LSAMP: variants seen among roughly 807,000 people sequenced by gnomAD.
The protein encoded by LSAMP is limbic system-associated membrane protein.
Under a neutral mutation model 38.6 loss-of-function variants are expected in LSAMP, and 7 were observed. The observed-to-expected ratio is 0.18, with a 90% CI of 0.10 to 0.34. The LOEUF is 0.34. Among genes scored for constraint, LSAMP ranks in the 10% least tolerant of loss-of-function variants. The probability of loss-of-function intolerance (pLI) is 1.00; values close to 1 mark genes in which losing one functional copy is unlikely to be tolerated. For missense variants in LSAMP, 313 were observed against 420.0 expected (o/e 0.75, Z 2.23); for synonymous variants, 154 against 166.8 (o/e 0.92, Z 0.59).
intron 1 of LSAMP, among the ~76,000 whole-genome samples, chr3:116,344,377 A>G (rs184460662): frequency 1.5e-3 from 236 of 152,280 alleles, no homozygotes; most frequent in African/African-American, 5.4e-3. Context: ...AAGCAGAATA[A>G]ATGATTAACA....
At position 115,805,343 on chromosome 3, in the gene LSAMP, C is replaced by T. The variant is rs959549481; in HGVS notation, c.*4974G>A. 6.6e-6 allele frequency: 1 copy of T among 152,080 alleles called. No homozygotes were observed. The highest frequency in any genetic ancestry group is 1.5e-5 in the Non-Finnish European group (1 of 67,988). 9.4% of individuals were successfully genotyped at this position (152,080 alleles called of 1,614,324 possible). ...TTTGGAGCTTTAGTCGTAATTCTTC[C>T]GATTCTGAACTGTGAAACGTTTCAG... On this transcript the variant is annotated 3_prime_UTR_variant, in exon 7 of 7. Coordinates refer to ENST00000490035, the MANE Select transcript of LSAMP (RefSeq NM_002338.5).
intron 3 of LSAMP, among the ~76,000 whole-genome samples, chr3:115,870,944 G>A (rs759856404): frequency 2.6e-4 from 40 of 152,024 alleles, no homozygotes; most frequent in Non-Finnish European, 5.3e-4. Flanking sequence ...AACCTGTAAG[G>A]TGCACAGTGT....
chr3:116,005,640 G>A (rs771452184), intron 3 of LSAMP, among the ~76,000 whole-genome samples: 1 of 152,150 alleles, frequency 6.6e-6, no homozygotes, highest in African/African-American at 2.4e-5. Flanking sequence ...GTGCTTAATC[G>A]TTCCTGGGGG....
In LSAMP at chr3:115,883,256, G is replaced by C. The variant is rs536197884; in HGVS notation, c.515-30639C>G. ...CATCTATTAGAACACATTTGGGTTAGAGAACAGGGAAGTGACTAAAAGGGA... is the reference window on the plus strand; with the variant it reads ...CATCTATTAGAACACATTTGGGTTACAGAACAGGGAAGTGACTAAAAGGGA... On this transcript the variant is annotated intron_variant, in intron 3 of 6. Transcript: ENST00000490035. Among the ~76,000 whole-genome samples the C allele has an allele frequency of 6.6e-5, 10 of 152,170 alleles. No individual in the cohort carries two copies. In the South Asian group the frequency reaches 8.3e-4, roughly 13 times the overall value.
chr3:116,355,599 G>A (rs2048212384), intron 1 of LSAMP, among the ~76,000 whole-genome samples: 2 of 152,086 alleles, frequency 1.3e-5, no homozygotes, highest in Admixed American at 6.6e-5. Context: ...ATCACATCAA[G>A]TGCAAAGGCT....
chr3:116,375,892 T>G (rs1483856029), intron 1 of LSAMP, among the ~76,000 whole-genome samples: 2 of 152,046 alleles, frequency 1.3e-5, no homozygotes, highest in East Asian at 3.9e-4. Context: ...CTTCAAAATG[T>G]AGACTTTTAT....
chr3:116,207,091 T>A (rs1364466537), intron 1 of LSAMP, among the ~76,000 whole-genome samples: 2 of 152,120 alleles, frequency 1.3e-5, no homozygotes, highest in Non-Finnish European at 2.9e-5. Context: ...GGTGCTACTG[T>A]ATTGGGTGCA....
intron 1 of LSAMP, among the ~76,000 whole-genome samples, chr3:116,242,066 G>A (rs1451852513): frequency 6.6e-6 from 1 of 152,180 alleles, no homozygotes; most frequent in Admixed American, 6.5e-5. Flanking sequence ...TATTCCGACT[G>A]CACATTCCCT....
chr3:116,019,742 T>G (rs1940586236), intron 2 of LSAMP, 102 bp from the exon 3 acceptor site: 1 of 1,270,408 alleles, frequency 7.9e-7, no homozygotes, highest in African/African-American at 1.5e-5. Flanking sequence ...TAACTTAATT[T>G]GAATTTCTGT....
intron 3 of LSAMP, among the ~76,000 whole-genome samples, chr3:115,878,591 A>G (rs1198663543): frequency 1.3e-5 from 2 of 149,404 alleles, no homozygotes; most frequent in East Asian, 4.0e-4. Context: ...CCTCCAGAGT[A>G]GCTGGAACTA....
At chr3:116,040,660 G>T (rs911569571) in intron 2 of LSAMP, among the ~76,000 whole-genome samples, 1 of 152,198 alleles carries the variant, frequency 6.6e-6, no homozygotes, top group African/African-American at 2.4e-5. Flanking sequence ...GAATGTAGGT[G>T]GCCATGGAGG....
chr3:115,820,913 A>G (rs1934208156), intron 6 of LSAMP, among the ~76,000 whole-genome samples: 1 of 152,220 alleles, frequency 6.6e-6, no homozygotes, highest in Admixed American at 6.5e-5. Context: ...TGGGGCCAGG[A>G]GGTCCTTGCC....
intron 1 of LSAMP, among the ~76,000 whole-genome samples, chr3:116,358,895 G>A (rs2048263717): frequency 6.6e-6 from 1 of 152,162 alleles, no homozygotes; most frequent in African/African-American, 2.4e-5. Context: ...AAGTGTTTTT[G>A]TAATAATATA....
rs544903201 is a variant in LSAMP at position 116,338,374 on chromosome 3, A to G, written c.155+106503T>C. Among the ~76,000 whole-genome samples, 9 of 152,028 alleles carry G rather than the reference A, an allele frequency of 5.9e-5. No homozygotes were observed. The South Asian group carries it at 1.9e-3, about 32-fold the overall frequency. On this transcript the variant is annotated intron_variant, in intron 1 of 6. Transcript: ENST00000490035. ...ATTACCAAATGCCCTTTCAGCCTCA[A>G]ATCTACAGAAATATCTTTATCCTCC...
At chr3:116,296,438 T>C (rs1026928910) in intron 1 of LSAMP, among the ~76,000 whole-genome samples, 1 of 151,948 alleles carries the variant, frequency 6.6e-6, no homozygotes, top group Non-Finnish European at 1.5e-5. Flanking sequence ...GAAACCCATA[T>C]TGGGAGGCCG....
At chr3:115,902,991 T>C (rs1406765543) in intron 3 of LSAMP, among the ~76,000 whole-genome samples, 1 of 152,178 alleles carries the variant, frequency 6.6e-6, no homozygotes, top group Admixed American at 6.5e-5. Flanking sequence ...ACTTGGTACA[T>C]ACCCAAAGGA....
intron 1 of LSAMP, among the ~76,000 whole-genome samples, chr3:116,408,715 A>G (rs148644920): frequency 2.0e-5 from 3 of 152,222 alleles, no homozygotes; most frequent in African/African-American, 4.8e-5. Flanking sequence ...GGCTGAGTCT[A>G]TCTAACTCCA....
intron 1 of LSAMP, among the ~76,000 whole-genome samples, chr3:116,441,424 A>G (rs1289605422): frequency 6.6e-6 from 1 of 152,206 alleles, no homozygotes; most frequent in Non-Finnish European, 1.5e-5. Flanking sequence ...TAAAACTAAC[A>G]TGGTTCTTTG....
At chr3:115,848,445 T>C (rs536360015) in intron 4 of LSAMP, among the ~76,000 whole-genome samples, 1 of 152,256 alleles carries the variant, frequency 6.6e-6, no homozygotes, top group East Asian at 1.9e-4. Context: ...AACAAAAAAG[T>C]TATTTTCCTA....
Sources: allele counts gnomAD v4.1 joint callset (sites outside exome capture counted in the v4.1 genomes callset), GRCh38; gene constraint gnomAD v4.1.1; transcripts MANE v1.5; gene names NCBI Gene and HGNC (gene_info 2026-07-23, HGNC 2026-07-21).